The following EYS variants were observed in gnomAD, a reference collection of about 807,000 sequenced individuals.
EYS encodes the protein EGF-like photoreceptor maintenance factor.
EYS carries 250 observed loss-of-function variants against 282.1 expected under a neutral mutation model. That is an observed-to-expected ratio of 0.89 (90% CI 0.80 to 0.98). The LOEUF (loss-of-function observed/expected upper bound fraction) is 0.98, where lower values mean the gene tolerates loss of function less well. EYS is among the 50% of genes least tolerant of loss of function. The probability of loss-of-function intolerance (pLI) is 0.00; values close to 1 mark genes in which losing one functional copy is unlikely to be tolerated. For synonymous variants in EYS, 1,355 were observed against 1,282.9 expected (o/e 1.06, Z -1.20); for missense variants, 4,016 against 3,709.0 (o/e 1.08, Z -2.15).
intron 29 of EYS, chr6:64,377,961 A>G (rs1412368871): frequency 6.6e-6 from 1 of 152,172 alleles, no homozygotes; most frequent in Non-Finnish European, 1.5e-5. Flanking sequence ...GGTTGTTGTA[A>G]GGATTAAATG....
chr6:63,939,453 G>A (rs1195769228), intron 35 of EYS, among the ~76,000 whole-genome samples: 1 of 152,110 alleles, frequency 6.6e-6, no homozygotes. Flanking sequence ...AAAAGAAAGA[G>A]TAAGACAAAA....
At chr6:64,487,224 A>C (rs925696143) in intron 26 of EYS, among the ~76,000 whole-genome samples, 4 of 151,266 alleles carry the variant, frequency 2.6e-5, no homozygotes, top group African/African-American at 4.8e-5. Context: ...TCTTAGAAAG[A>C]GAGAATCTTA....
intron 12 of EYS, among the ~76,000 whole-genome samples, chr6:65,156,462 A>G (rs1210420304): frequency 1.3e-5 from 2 of 151,078 alleles, no homozygotes; most frequent in East Asian, 2.0e-4. Context: ...AACTTCCTTC[A>G]GTTCCCTTTC....
chr6:64,125,789 A>G (rs1325020283), intron 31 of EYS, among the ~76,000 whole-genome samples: 1 of 139,974 alleles, frequency 7.1e-6, no homozygotes, highest in Non-Finnish European at 1.5e-5. Flanking sequence ...CCGTCTCAAA[A>G]AAAAAAAAAA....
intron 26 of EYS, among the ~76,000 whole-genome samples, chr6:64,566,112 A>C (rs540859623): frequency 2.4e-4 from 37 of 152,218 alleles, no homozygotes; most frequent in African/African-American, 8.4e-4. Flanking sequence ...TTCAAGCTAT[A>C]GGTGGCTTTT....
At chr6:64,880,447 G>A (rs1017489114) in intron 19 of EYS, among the ~76,000 whole-genome samples, 4 of 151,518 alleles carry the variant, frequency 2.6e-5, no homozygotes, top group Non-Finnish European at 5.9e-5. Context: ...AGTTAGTAAG[G>A]AACTATTTCA....
intron 22 of EYS, among the ~76,000 whole-genome samples, chr6:64,707,732 G>A (rs2149931546): frequency 6.7e-6 from 1 of 148,190 alleles, no homozygotes; most frequent in South Asian, 2.1e-4. Context: ...GGATGCAGAA[G>A]AATCTCAGAA....
chr6:64,997,543 G>A (rs980518110), intron 14 of EYS, 39 bp downstream of exon 14: 3 of 1,538,064 alleles, frequency 2.0e-6, no homozygotes, highest in Non-Finnish European at 2.6e-6. Context: ...AATTATATTA[G>A]TCCACATTTA....
intron 29 of EYS, among the ~76,000 whole-genome samples, chr6:64,313,701 G>A (rs1211959336): frequency 1.3e-5 from 2 of 151,758 alleles, no homozygotes; most frequent in African/African-American, 2.4e-5. Flanking sequence ...GAAGAGGGTG[G>A]GGACCAATAT....
intron 35 of EYS, among the ~76,000 whole-genome samples, chr6:63,983,360 C>T (rs1384997397): frequency 1.3e-5 from 2 of 151,684 alleles, no homozygotes; most frequent in African/African-American, 4.8e-5. Context: ...TACTGTCATT[C>T]TGTGATTGGT....
chr6:65,443,683 CAT>C (rs1768529912), intron 5 of EYS, among the ~76,000 whole-genome samples: 3 of 149,824 alleles, frequency 2.0e-5, no homozygotes, highest in Admixed American at 1.3e-4. Flanking sequence ...CATATACACA[CAT>C]ACACATATAT....
intron 12 of EYS, among the ~76,000 whole-genome samples, chr6:65,078,683 AT>A (rs1774132238): frequency 6.6e-6 from 1 of 152,000 alleles, no homozygotes; most frequent in Admixed American, 6.6e-5. Flanking sequence ...ATTTAGGTAC[AT>A]TTTCCACGGC....
intron 31 of EYS, among the ~76,000 whole-genome samples, chr6:64,083,966 G>A (rs1384193624): frequency 6.6e-6 from 1 of 152,142 alleles, no homozygotes; most frequent in African/African-American, 2.4e-5. Context: ...TCTAACTCCT[G>A]ACCTCAGGTG....
At chr6:64,589,886 CAAAG>C (rs1766345605) in intron 26 of EYS, among the ~76,000 whole-genome samples, 1 of 151,948 alleles carries the variant, frequency 6.6e-6, no homozygotes, top group African/African-American at 2.4e-5. Flanking sequence ...TTCAACCTGA[CAAAG>C]AAGCTATTTC....
Position 64,950,798 on chromosome 6 carries a change from C to CATATATATAT in EYS, c.2260-4894_2260-4885dup, listed in dbSNP as rs1171736217. The stretch of plus-strand genomic sequence containing the variant: ...AAAAATATATACACATATACATATA[C>CATATATATAT]ATATATATATATATATATATATATA... On this transcript the variant is annotated intron_variant, in intron 14 of 42. Transcript: ENST00000503581. Among the ~76,000 whole-genome samples, 328 of 54,180 alleles carry CATATATATAT rather than the reference C, an allele frequency of 6.1e-3. 5 individuals carry two copies. The highest frequency in any genetic ancestry group is 0.03 in the Middle Eastern group (2 of 66). The allele number at this position is 54,180 out of a possible 152,430, so 35.5% of individuals were successfully genotyped here.
At chr6:65,521,780 C>T (rs1767380918) in intron 2 of EYS, among the ~76,000 whole-genome samples, 1 of 152,108 alleles carries the variant, frequency 6.6e-6, no homozygotes. Context: ...TTGATTAATG[C>T]CACTCCGTGT....
chr6:65,113,764 T>C (rs1191709287), intron 12 of EYS, among the ~76,000 whole-genome samples: 1 of 152,054 alleles, frequency 6.6e-6, no homozygotes. Flanking sequence ...CACTTTTTCC[T>C]ATGACTAATT....
At position 65,344,044 on chromosome 6, in the gene EYS, T is replaced by G. The variant is rs745527927; in HGVS notation, c.1593A>C (p.Thr531=). Residue 531 remains threonine, a synonymous_variant, in exon 10 of 43, where the codon ACA becomes ACC. Coordinates refer to ENST00000503581, the MANE Select transcript of EYS (RefSeq NM_001142800.2). ...CTACATAAAATTACCTTACCTCTTT[T>G]GTGCCTTCATGTGGGAACCAACATG... ...NSSCWFPHEG[T]KEICANGCSC... 1.9e-6 allele frequency: 3 copies of G among 1,610,262 alleles called. No individual in the cohort carries two copies.
intron 41 of EYS, among the ~76,000 whole-genome samples, chr6:63,743,704 A>G (rs1292601873): frequency 6.6e-6 from 1 of 152,244 alleles, no homozygotes; most frequent in Non-Finnish European, 1.5e-5. Context: ...GGAGACTACA[A>G]TTAAAGATAC....
Sources: allele counts gnomAD v4.1 joint callset (sites outside exome capture counted in the v4.1 genomes callset), GRCh38; gene constraint gnomAD v4.1.1; transcripts MANE v1.5; gene names NCBI Gene and HGNC (gene_info 2026-07-23, HGNC 2026-07-21).